TMEM132C: variants seen among roughly 807,000 people sequenced by gnomAD.
TMEM132C encodes the protein transmembrane protein 132C, also known as protein phosphatase 1, regulatory subunit 152.
In TMEM132C, 29 loss-of-function variants were observed where a neutral mutation model predicts 61.4. The ratio of observed to expected loss-of-function variants is 0.47; its 90% confidence interval spans 0.35 to 0.64. The LOEUF is 0.64. Ranked by LOEUF, TMEM132C falls within the 30% of genes least tolerant of loss-of-function variation. The pLI is 0.00. For synonymous variants in TMEM132C, 656 were observed against 633.1 expected, an observed-to-expected ratio of 1.04 and a Z score of -0.54; for missense variants, 1,408 against 1,476.9, an observed-to-expected ratio of 0.95 and a Z score of 0.76.
chr12:128,468,457 A>C lies in TMEM132C; in HGVS notation c.974+52837A>C, dbSNP rs1870818279. 2.6e-5 allele frequency among the ~76,000 whole-genome samples: 4 copies of C among 152,096 alleles called. No homozygotes were observed. The South Asian group carries it at 8.3e-4, about 31-fold the overall frequency. ...CTCAGCCTCCCAAGTAGCTGGGATT[A>C]TAGGCATGCACCACCACGCCAGGCT... On this transcript the variant is annotated intron_variant, in intron 2 of 8. Transcript: ENST00000435159.
At chr12:128,546,446 T>C (rs1873953901) in intron 3 of TMEM132C, among the ~76,000 whole-genome samples, 1 of 152,138 alleles carries the variant, frequency 6.6e-6, no homozygotes, top group African/African-American at 2.4e-5. Context: ...CCTCATAGTG[T>C]CGAGTCCTGA....
At chr12:128,331,028 G>T (rs1269751864) in intron 1 of TMEM132C, among the ~76,000 whole-genome samples, 1 of 152,112 alleles carries the variant, frequency 6.6e-6, no homozygotes, top group Non-Finnish European at 1.5e-5. Context: ...AAGAATGAAA[G>T]AAAGCAAACA....
At chr12:128,609,343 A>T (rs922987314) in intron 3 of TMEM132C, among the ~76,000 whole-genome samples, 25 of 149,692 alleles carry the variant, frequency 1.7e-4, no homozygotes, top group Non-Finnish European at 3.3e-4. Flanking sequence ...GGCTCAAGGG[A>T]TCCTCCCACC....
intron 2 of TMEM132C, among the ~76,000 whole-genome samples, chr12:128,507,051 T>C (rs1872386853): frequency 6.6e-6 from 1 of 152,178 alleles, no homozygotes; most frequent in African/African-American, 2.4e-5. Context: ...AAAGAAGTCC[T>C]GGTTTACCTG....
chr12:128,394,838 A>G (rs1023413834), intron 1 of TMEM132C, among the ~76,000 whole-genome samples: 1 of 151,708 alleles, frequency 6.6e-6, no homozygotes, highest in East Asian at 1.9e-4. Context: ...CTCTGTTGCC[A>G]AGGGACACTC....
intron 4 of TMEM132C, among the ~76,000 whole-genome samples, chr12:128,658,291 C>T (rs1954348926): frequency 1.3e-5 from 2 of 152,212 alleles, no homozygotes; most frequent in Admixed American, 6.5e-5. Flanking sequence ...CATGAAGCCA[C>T]GATGGTCGCT....
intron 2 of TMEM132C, 26 bp from the exon 3 acceptor site, chr12:128,543,931 T>C: frequency 6.5e-7 from 1 of 1,541,142 alleles, no homozygotes; most frequent in South Asian, 1.2e-5. Context: ...CCTGTCTCTC[T>C]CTCTCTCCCA....
chr12:128,278,959 G>A lies in TMEM132C; in HGVS notation c.85+11472G>A, dbSNP rs1277101905. ...CATTTGGACGTGAACTGCAACATTA[G>A]GTCTTCCTTGGGTCTCCAGCCTGCC... On this transcript the variant is annotated intron_variant, in intron 1 of 8. Transcript: ENST00000435159. The surrounding 1 kb of genome is among the most constrained non-coding windows in gnomAD (Gnocchi z 4.2). Among the ~76,000 whole-genome samples, 2 of 152,104 alleles carry A rather than the reference G, an allele frequency of 1.3e-5. No homozygotes were observed. Among genetic ancestry groups the A allele is most frequent in the Non-Finnish European group, 2.9e-5 (2 of 68,018 alleles).
At chr12:128,327,542 C>G (rs891596606) in intron 1 of TMEM132C, among the ~76,000 whole-genome samples, 1 of 151,854 alleles carries the variant, frequency 6.6e-6, no homozygotes, top group African/African-American at 2.4e-5. Flanking sequence ...ACCACCATGC[C>G]CGGCTAATTT....
chr12:128,565,668 A>T (rs116422153), intron 3 of TMEM132C, among the ~76,000 whole-genome samples: 1,648 of 152,270 alleles, frequency 0.011, 29 homozygotes, highest in African/African-American at 0.037. Flanking sequence ...GAAGAAACTG[A>T]TATTTAAGGG....
At chr12:128,482,998 C>T (rs1197899998) in intron 2 of TMEM132C, among the ~76,000 whole-genome samples, 2 of 151,814 alleles carry the variant, frequency 1.3e-5, no homozygotes, top group Admixed American at 1.3e-4. Flanking sequence ...AATTCCAGTG[C>T]TTTGGGAGGC....
At chr12:128,357,526 C>T (rs1873548645) in intron 1 of TMEM132C, among the ~76,000 whole-genome samples, 1 of 151,962 alleles carries the variant, frequency 6.6e-6, no homozygotes, top group African/African-American at 2.4e-5. Context: ...GAAACCCTGT[C>T]TCTACTAAAA....
intron 3 of TMEM132C, among the ~76,000 whole-genome samples, chr12:128,611,827 G>A (rs1876644147): frequency 6.6e-6 from 1 of 152,150 alleles, no homozygotes; most frequent in Non-Finnish European, 1.5e-5. Flanking sequence ...TAGTACCACT[G>A]GCCAGCCATC....
At chr12:128,474,861 C>T (rs1871103580) in intron 2 of TMEM132C, among the ~76,000 whole-genome samples, 1 of 152,202 alleles carries the variant, frequency 6.6e-6, no homozygotes, top group South Asian at 2.1e-4. Context: ...TTCTTAAAAA[C>T]AGCAGCTTGG....
chr12:128,654,296 C>T (rs535957257), intron 4 of TMEM132C, among the ~76,000 whole-genome samples: 1 of 152,232 alleles, frequency 6.6e-6, no homozygotes, highest in African/African-American at 2.4e-5. Context: ...ATTGCAGCGT[C>T]ACATACACAA....
At chr12:128,594,987 G>A (rs142898186) in intron 3 of TMEM132C, among the ~76,000 whole-genome samples, 121 of 152,292 alleles carry the variant, frequency 7.9e-4, no homozygotes, top group African/African-American at 2.7e-3. Flanking sequence ...AACGAGCTTC[G>A]GTGGTGACTG....
chr12:128,705,964 A>T lies in TMEM132C; in HGVS notation c.2996A>T (p.Asp999Val). 6.4e-7 allele frequency: 1 copy of T among 1,551,400 alleles called. No homozygotes were observed. Among genetic ancestry groups the T allele is most frequent in the Non-Finnish European group, 8.7e-7 (1 of 1,146,942 alleles). Residue 999 changes from aspartate (D) to valine (V), a missense_variant, in exon 9 of 9, where the codon GAC becomes GTC. By Grantham distance (152) the Asp-to-Val change is radical. Coordinates refer to ENST00000435159, the MANE Select transcript of TMEM132C (RefSeq NM_001136103.3). ...CAGGACGAGCACACCACCATCATAG[A>T]CCGCGGACCGGGGGCCTGCGAGGAG... ...PPQDEHTTII[D>V]RGPGACEESN...
chr12:128,507,102 T>C (rs1872388617), intron 2 of TMEM132C, among the ~76,000 whole-genome samples: 1 of 152,194 alleles, frequency 6.6e-6, no homozygotes, highest in Non-Finnish European at 1.5e-5. Context: ...TTTGGTTTTC[T>C]GTTTTCCACC....
intron 3 of TMEM132C, among the ~76,000 whole-genome samples, chr12:128,610,435 G>T (rs1876592775): frequency 6.6e-6 from 1 of 152,094 alleles, no homozygotes; most frequent in Non-Finnish European, 1.5e-5. Context: ...GGTTTCCAGT[G>T]GTCCAAACTT....
Sources: gnomAD v4.1 joint callset for allele counts (sites outside exome capture counted in the v4.1 genomes callset) on GRCh38, gnomAD v4.1.1 for gene constraint, Gnocchi (gnomAD v3.1) non-coding constraint, MANE v1.5 for transcripts, NCBI Gene and HGNC (gene_info 2026-07-23, HGNC 2026-07-21) for gene names.